Variants in TYR observed in about 807,000 individuals in gnomAD.
TYR encodes LB24-AB.
Under a neutral mutation model 51.5 loss-of-function variants are expected in TYR, and 58 were observed. The observed-to-expected ratio is 1.13, with a 90% CI of 0.91 to 1.40. The LOEUF (loss-of-function observed/expected upper bound fraction) is 1.40. Among genes scored for constraint, TYR ranks in the 40% most tolerant of loss-of-function variants. The pLI is 0.00. For synonymous variants in TYR, 263 were observed against 235.2 expected (o/e 1.12, Z -1.08); for missense variants, 732 against 647.4 (o/e 1.13, Z -1.42).
At chr11:89,236,142 G>A (rs1248075030) in intron 3 of TYR, among the ~76,000 whole-genome samples, 3 of 151,880 alleles carry the variant, frequency 2.0e-5, no homozygotes, top group African/African-American at 7.3e-5. Flanking sequence ...CACGTTGTTT[G>A]CAATGCGGAA....
Position 89,278,770 on chromosome 11 carries a change from T to G in TYR, c.1185-6003T>G, listed in dbSNP as rs1257493590. ...TTATTATCAACCACAGTCAATACTT[T>G]AGATTACTTAGTACCTAATATCTTC... is the stretch of plus-strand genomic sequence containing the variant. On this transcript the variant is annotated intron_variant, in intron 3 of 4. Transcript: ENST00000263321. Among the ~76,000 whole-genome samples the G allele has an allele frequency of 4.0e-5, 6 of 151,716 alleles. No homozygotes were observed. The East Asian group carries it at 9.7e-4, about 25-fold the overall frequency.
intron 3 of TYR, among the ~76,000 whole-genome samples, chr11:89,261,761 T>A (rs1202368160): frequency 6.6e-6 from 1 of 152,044 alleles, no homozygotes; most frequent in Non-Finnish European, 1.5e-5. Flanking sequence ...TTTTTTCAAG[T>A]GCACATGGAG....
intron 1 of TYR, among the ~76,000 whole-genome samples, chr11:89,180,917 T>C (rs1021379627): frequency 2.0e-5 from 3 of 152,142 alleles, no homozygotes; most frequent in Non-Finnish European, 4.4e-5. Flanking sequence ...GAGTTCTCAA[T>C]GTCAAAATCA....
chr11:89,229,611 T>C (rs1944020099), intron 3 of TYR, among the ~76,000 whole-genome samples: 1 of 151,892 alleles, frequency 6.6e-6, no homozygotes, highest in African/African-American at 2.4e-5. Context: ...GAGGATATTG[T>C]TTCTGTTTAC....
intron 2 of TYR, among the ~76,000 whole-genome samples, chr11:89,192,748 T>G (rs1943462675): frequency 1.3e-5 from 2 of 152,300 alleles, no homozygotes; most frequent in South Asian, 4.1e-4. Context: ...GTAATCACCG[T>G]ATCCAAAACA....
chr11:89,244,441 C>A (rs1387065550), intron 3 of TYR, among the ~76,000 whole-genome samples: 1 of 152,166 alleles, frequency 6.6e-6, no homozygotes, highest in Non-Finnish European at 1.5e-5. Context: ...TTCAATGGCT[C>A]CTCCTTATTT....
chr11:89,236,370 G>C (rs936592379), intron 3 of TYR, among the ~76,000 whole-genome samples: 21 of 152,060 alleles, frequency 1.4e-4, no homozygotes, highest in Admixed American at 1.3e-3. Flanking sequence ...TCATTCTGTA[G>C]ATATATAGCT....
intron 3 of TYR, 144 bp downstream of exon 3, chr11:89,228,114 T>A (rs753777554): frequency 3.1e-5 from 29 of 944,730 alleles, no homozygotes; most frequent in Non-Finnish European, 4.6e-5. Context: ...AAACAGACCT[T>A]AGGCTAAGAA....
chr11:89,268,966 T>C (rs1304772924), intron 3 of TYR, among the ~76,000 whole-genome samples: 2 of 152,024 alleles, frequency 1.3e-5, no homozygotes, highest in Non-Finnish European at 2.9e-5. Context: ...TCTGGTTAGC[T>C]GCTTCTGCTG....
At chr11:89,198,233 A>C (rs955823062) in intron 2 of TYR, among the ~76,000 whole-genome samples, 1 of 152,124 alleles carries the variant, frequency 6.6e-6, no homozygotes, top group Non-Finnish European at 1.5e-5. Context: ...ACAACAAAAA[A>C]AAAGGTCACA....
At chr11:89,280,012 A>G (rs1297865176) in intron 3 of TYR, among the ~76,000 whole-genome samples, 1 of 151,670 alleles carries the variant, frequency 6.6e-6, no homozygotes, top group Non-Finnish European at 1.5e-5. Flanking sequence ...TATTTATTTT[A>G]TACAACTTTA....
chr11:89,208,892 T>C (rs1159575280), intron 2 of TYR, among the ~76,000 whole-genome samples: 1 of 152,222 alleles, frequency 6.6e-6, no homozygotes, highest in Non-Finnish European at 1.5e-5. Context: ...CCACTATTTA[T>C]GTTATTGTAA....
At chr11:89,278,504 T>G (rs112907327) in intron 3 of TYR, among the ~76,000 whole-genome samples, 3,794 of 151,786 alleles carry the variant, frequency 0.025, 154 homozygotes, top group African/African-American at 0.085. Context: ...TAAGTTTTTT[T>G]TGTGTGTGCT....
chr11:89,269,591 TG>T (rs1565418697), intron 3 of TYR, among the ~76,000 whole-genome samples: 1 of 151,990 alleles, frequency 6.6e-6, no homozygotes, highest in East Asian at 1.9e-4. Flanking sequence ...TATTTTAATC[TG>T]ATTTTAACTG....
At chr11:89,199,189 T>A (rs995647353) in intron 2 of TYR, among the ~76,000 whole-genome samples, 2 of 152,152 alleles carry the variant, frequency 1.3e-5, no homozygotes, top group African/African-American at 4.8e-5. Context: ...GTTCCAAGTC[T>A]TTGCTATTGT....
In TYR at chr11:89,236,095, G is replaced by A. The variant is rs555863857; in HGVS notation, c.1184+8125G>A. 1.8e-3 allele frequency among the ~76,000 whole-genome samples: 268 copies of A among 151,962 alleles called. 3 individuals carry two copies. The highest frequency in any genetic ancestry group is 6.2e-3 in the African/African-American group (259 of 41,448). ...TACATATTGTCAATGGATGCTTTCG[G>A]GCTACAATGTCAGAGTCGAGTAGCT... On this transcript the variant is annotated intron_variant, in intron 3 of 4. Transcript: ENST00000263321.
At chr11:89,180,135 G>T (rs1346647102) in intron 1 of TYR, among the ~76,000 whole-genome samples, 1 of 152,126 alleles carries the variant, frequency 6.6e-6, no homozygotes, top group Non-Finnish European at 1.5e-5. Context: ...TGGGTTTTGT[G>T]CAGGAAAGGC....
chr11:89,248,657 TTTAAA>T (rs1057165080), intron 3 of TYR, among the ~76,000 whole-genome samples: 1 of 152,204 alleles, frequency 6.6e-6, no homozygotes, highest in African/African-American at 2.4e-5. Flanking sequence ...GAGGAAAGAG[TTTAAA>T]TTATTTTAAT....
intron 2 of TYR, among the ~76,000 whole-genome samples, chr11:89,210,213 A>G (rs907960234): frequency 3.9e-5 from 6 of 152,154 alleles, no homozygotes; most frequent in Admixed American, 3.9e-4. Context: ...AGAAAGCTAA[A>G]AACTTTGAAA....
Sources: gnomAD v4.1 joint callset for allele counts (sites outside exome capture counted in the v4.1 genomes callset) on GRCh38, gnomAD v4.1.1 for gene constraint, MANE v1.5 for transcripts, NCBI Gene and HGNC (gene_info 2026-07-23, HGNC 2026-07-21) for gene names.